The following ADGRL4 variants were observed in gnomAD, a reference collection of about 807,000 sequenced individuals.
The protein encoded by ADGRL4 is EGF, latrophilin and seven transmembrane domain containing 1.
In ADGRL4, 90 loss-of-function variants were observed where a neutral mutation model predicts 74.8. The observed-to-expected ratio is 1.20, with a 90% CI of 1.02 to 1.43. The LOEUF (loss-of-function observed/expected upper bound fraction) is 1.43. Among genes scored for constraint, ADGRL4 ranks in the 40% most tolerant of loss-of-function variants. The probability of loss-of-function intolerance (pLI) is 0.00; values close to 1 mark genes in which losing one functional copy is unlikely to be tolerated. For synonymous variants in ADGRL4, 311 were observed against 279.2 expected (o/e 1.11, Z -1.14); for missense variants, 881 against 814.3 (o/e 1.08, Z -1.00).
rs865837910 is a variant in ADGRL4, at chr1:78,994,007, A to G, written c.172+11063T>C. Among the ~76,000 whole-genome samples, 11 of 152,342 alleles carry G rather than the reference A, an allele frequency of 7.2e-5. No individual in the cohort carries two copies. In the Middle Eastern group the frequency reaches 0.014, roughly 188 times the overall value. On this transcript the variant is annotated intron_variant, in intron 2 of 14. Coordinates refer to ENST00000370742, the MANE Select transcript of ADGRL4 (RefSeq NM_022159.4). ...TCTTGGGACTCTGAAGGCTGCCTCA[A>G]AAACAGACCATTACAAGGCATTAGT...
At chr1:78,927,817 T>C (rs1649150746) in intron 7 of ADGRL4, among the ~76,000 whole-genome samples, 1 of 152,184 alleles carries the variant, frequency 6.6e-6, no homozygotes, top group Non-Finnish European at 1.5e-5. Flanking sequence ...CTGTGTGAGC[T>C]AGAAGTTGCC....
intron 2 of ADGRL4, among the ~76,000 whole-genome samples, chr1:78,994,892 C>T (rs964292719): frequency 6.6e-5 from 10 of 152,198 alleles, no homozygotes; most frequent in Non-Finnish European, 1.2e-4. Context: ...TACTTCCTAG[C>T]TGAGACTACT....
intron 2 of ADGRL4, among the ~76,000 whole-genome samples, chr1:78,997,706 T>C (rs1037341602): frequency 1.3e-5 from 2 of 152,176 alleles, no homozygotes; most frequent in African/African-American, 4.8e-5. Context: ...GTTTATATTG[T>C]TCACTTTTCC....
chr1:78,988,547 C>T (rs1650541894), intron 2 of ADGRL4, among the ~76,000 whole-genome samples: 2 of 151,834 alleles, frequency 1.3e-5, no homozygotes, highest in African/African-American at 4.8e-5. Context: ...TGATACATTT[C>T]CATACAAATC....
chr1:78,918,676 G>A (rs191066976), intron 10 of ADGRL4, among the ~76,000 whole-genome samples: 4 of 151,874 alleles, frequency 2.6e-5, no homozygotes, highest in African/African-American at 9.6e-5. Flanking sequence ...AACAGAAGAA[G>A]AAGTAGTTAC....
At position 78,967,931 on chromosome 1, in the gene ADGRL4, C is replaced by T. The variant is rs142942774; in HGVS notation, c.173-21505G>A. ...TAACAGCCTTCCCAAAATCAAACTT[C>T]GGCTCCAAAATTGTCTTTCTTGACA... On this transcript the variant is annotated intron_variant, in intron 2 of 14. Coordinates refer to ENST00000370742, the MANE Select transcript of ADGRL4 (RefSeq NM_022159.4). Among the ~76,000 whole-genome samples the T allele has an allele frequency of 3.8e-3, 571 of 149,964 alleles. 7 individuals carry two copies. Among genetic ancestry groups the T allele is most frequent in the African/African-American group, 0.014 (543 of 39,428 alleles).
chr1:78,917,625 T>C lies in ADGRL4; in HGVS notation c.1749+9A>G. The C allele has an allele frequency of 6.4e-7, 1 of 1,560,464 alleles. No homozygotes were observed. Among genetic ancestry groups the C allele is most frequent in the Non-Finnish European group, 8.7e-7 (1 of 1,147,446 alleles). ...TTTGAATTGTAATAACAATTTTATA[T>C]ATACATACAAGAATGATTAGGCATG... is the stretch of plus-strand genomic sequence containing the variant. On this transcript the variant is annotated intron_variant, in intron 12 of 14. Coordinates refer to ENST00000370742, the MANE Select transcript of ADGRL4 (RefSeq NM_022159.4).
chr1:78,942,173 CAAAAAAAAAAA>C (rs398049382), intron 3 of ADGRL4, among the ~76,000 whole-genome samples: 11,663 of 74,240 alleles, frequency 0.16, 696 homozygotes, highest in East Asian at 0.48. Context: ...GACTCCGTCT[CAAAAAAAAAAA>C]AAAAAAAAAA....
intron 7 of ADGRL4, 106 bp downstream of exon 7, chr1:78,936,185 GTTTT>G: frequency 1.0e-6 from 1 of 968,598 alleles, no homozygotes; most frequent in Non-Finnish European, 1.5e-6. Context: ...TACATCAAAT[GTTTT>G]TATAGGAAAC....
At position 78,936,374 on chromosome 1, in the gene ADGRL4, T is replaced by C. The variant is rs1476964649; in HGVS notation, c.798A>G (p.Lys266=). 1 of 1,578,154 alleles carries C rather than the reference T, an allele frequency of 6.3e-7. No homozygotes were observed. The highest frequency in any genetic ancestry group is 2.3e-5 in the East Asian group (1 of 43,248). ...KVFFFDSYNM[K]HIHPHMNMDG... ...CCATATTCATATGAGGATGAATATG[T>C]TTCATGTTATATGAATCAAAAAAGA... The change falls in exon 7 of 15, where the codon AAA becomes AAG. Residue 266 remains lysine, a synonymous_variant. Coordinates refer to ENST00000370742, the MANE Select transcript of ADGRL4 (RefSeq NM_022159.4).
intron 2 of ADGRL4, among the ~76,000 whole-genome samples, chr1:78,985,085 C>A (rs1239971858): frequency 6.6e-6 from 1 of 151,550 alleles, no homozygotes; most frequent in Non-Finnish European, 1.5e-5. Context: ...AATCTGCAAT[C>A]AACAATTATT....
chr1:78,938,844 T>G (rs1270646667), intron 4 of ADGRL4, among the ~76,000 whole-genome samples: 1 of 152,068 alleles, frequency 6.6e-6, no homozygotes, highest in Non-Finnish European at 1.5e-5. Context: ...CAAATCTAGG[T>G]GCATTCAATT....
intron 2 of ADGRL4, among the ~76,000 whole-genome samples, chr1:78,978,903 C>A (rs1650346315): frequency 6.6e-6 from 1 of 151,820 alleles, no homozygotes; most frequent in Non-Finnish European, 1.5e-5. Context: ...TATAAATACA[C>A]TGATAATCTA....
intron 3 of ADGRL4, among the ~76,000 whole-genome samples, chr1:78,942,634 T>A (rs1305076859): frequency 1.3e-5 from 2 of 151,874 alleles, no homozygotes; most frequent in African/African-American, 4.8e-5. Flanking sequence ...TCTTAACTCA[T>A]TTTTATTAAT....
intron 2 of ADGRL4, among the ~76,000 whole-genome samples, chr1:78,951,925 A>C (rs1649730619): frequency 6.6e-6 from 1 of 152,172 alleles, no homozygotes; most frequent in South Asian, 2.1e-4. Context: ...CCTAGTAATG[A>C]AACATTTTTG....
rs1648536425 is a variant in ADGRL4 at position 78,902,293 on chromosome 1, G to T, written c.1750-9104C>A. 1.3e-5 allele frequency among the ~76,000 whole-genome samples: 2 copies of T among 152,196 alleles called. 1 individual carries two copies. Among genetic ancestry groups the T allele is most frequent in the South Asian group, 4.1e-4 (2 of 4,828 alleles). On this transcript the variant is annotated intron_variant, in intron 12 of 14. Transcript: ENST00000370742. ...TTAAAATTTTGAGTGCTGATATTGA[G>T]TGCTTTCTATGTGCCAGATATTGTT...
At chr1:78,946,550 A>C in intron 2 of ADGRL4, 124 bp from the exon 3 acceptor site, 1 of 735,526 alleles carries the variant, frequency 1.4e-6, no homozygotes. Flanking sequence ...TATATCTACA[A>C]ACCTTAGTGC....
chr1:79,005,000 G>A (rs1650928928), intron 2 of ADGRL4, 70 bp downstream of exon 2: 2 of 1,416,674 alleles, frequency 1.4e-6, no homozygotes, highest in Admixed American at 2.2e-5. Flanking sequence ...GTTTCTGGAG[G>A]ACAGAAAAGC....
chr1:78,907,893 C>T (rs1025972080), intron 12 of ADGRL4, among the ~76,000 whole-genome samples: 1 of 151,802 alleles, frequency 6.6e-6, no homozygotes, highest in African/African-American at 2.4e-5. Flanking sequence ...TTTGCCTGGG[C>T]TGGTTGTCAT....
Sources: allele counts gnomAD v4.1 joint callset (sites outside exome capture counted in the v4.1 genomes callset), GRCh38; gene constraint gnomAD v4.1.1; transcripts MANE v1.5; gene names NCBI Gene and HGNC (gene_info 2026-07-23, HGNC 2026-07-21).